TMC1: variants seen among roughly 807,000 people sequenced by gnomAD.
TMC1 encodes the protein transmembrane channel-like protein 1.
A neutral mutation model predicts 105.8 loss-of-function variants in TMC1; 84 were observed. That is an observed-to-expected ratio of 0.79 (90% CI 0.67 to 0.95). The LOEUF (loss-of-function observed/expected upper bound fraction) is 0.95. Among genes scored for constraint, TMC1 ranks in the 40% least tolerant of loss-of-function variants. The pLI, the probability that TMC1 is intolerant of heterozygous loss-of-function variation, is 0.00. For synonymous variants in TMC1, 315 were observed against 311.5 expected (o/e 1.01, Z -0.12); for missense variants, 817 against 914.1 (o/e 0.89, Z 1.37).
chr9:72,827,506 G>A (rs1828975392), intron 21 of TMC1, among the ~76,000 whole-genome samples: 1 of 152,204 alleles, frequency 6.6e-6, no homozygotes, highest in Non-Finnish European at 1.5e-5. Flanking sequence ...ATAACTGTGT[G>A]TTCACGATAA....
At chr9:72,525,615 G>A (rs1240303826) in intron 1 of TMC1, among the ~76,000 whole-genome samples, 2 of 152,182 alleles carry the variant, frequency 1.3e-5, no homozygotes, top group Non-Finnish European at 2.9e-5. Context: ...AGATGACAAG[G>A]CTCAGTGGAT....
At position 72,631,065 on chromosome 9, in the gene TMC1, A is replaced by G. The variant is rs892713483; in HGVS notation, c.-53+3002A>G. 2.0e-5 allele frequency among the ~76,000 whole-genome samples: 3 copies of G among 151,966 alleles called. No homozygotes were observed. The South Asian group carries it at 6.2e-4, about 31-fold the overall frequency. On this transcript the variant is annotated intron_variant, in intron 4 of 23. Transcript: ENST00000297784. ...GTATTTTTGGTAGAGACAGGGTTTC[A>G]CTATGTTGGTCAGGCTAGTCTCAAA...
intron 3 of TMC1, among the ~76,000 whole-genome samples, chr9:72,622,199 C>G (rs993654318): frequency 6.6e-6 from 1 of 152,228 alleles, no homozygotes; most frequent in African/African-American, 2.4e-5. Context: ...CCTGTCCATA[C>G]CCTCCAGCAA....
In TMC1 at chr9:72,648,621, T is replaced by C; in HGVS notation, c.-28T>C. On this transcript the variant is annotated 5_prime_UTR_variant, in exon 5 of 24. Transcript: ENST00000297784. ...GTCCCTCTCCAAACTAGCCAGCCAC[T>C]GAGACCTTCTGACAGGACACCCCCA... 1 of 1,611,902 alleles carries C rather than the reference T, an allele frequency of 6.2e-7. No homozygotes were observed. The highest frequency in any genetic ancestry group is 8.5e-7 in the Non-Finnish European group (1 of 1,178,002).
chr9:72,763,947 A>T (rs1187195256), intron 12 of TMC1, among the ~76,000 whole-genome samples: 2 of 152,162 alleles, frequency 1.3e-5, no homozygotes, highest in Admixed American at 1.3e-4. Context: ...TTAGAGACTA[A>T]GGTTGGAAGA....
At chr9:72,584,210 T>C (rs1220896794) in intron 2 of TMC1, among the ~76,000 whole-genome samples, 1 of 151,352 alleles carries the variant, frequency 6.6e-6, no homozygotes, top group Non-Finnish European at 1.5e-5. Context: ...AGGCAAACAA[T>C]GGAGAGAAGA....
chr9:72,523,003 C>T (rs1222659390), intron 1 of TMC1, among the ~76,000 whole-genome samples: 1 of 152,192 alleles, frequency 6.6e-6, no homozygotes, highest in African/African-American at 2.4e-5. Context: ...AAAATGTCTC[C>T]AGACTTTTCC....
At chr9:72,645,574 C>T (rs1825696878) in intron 4 of TMC1, among the ~76,000 whole-genome samples, 1 of 152,224 alleles carries the variant, frequency 6.6e-6, no homozygotes, top group East Asian at 1.9e-4. Flanking sequence ...AATAATATCT[C>T]TCATTATGGG....
intron 1 of TMC1, among the ~76,000 whole-genome samples, chr9:72,558,477 C>T (rs1462168675): frequency 3.3e-5 from 5 of 152,190 alleles, no homozygotes; most frequent in African/African-American, 1.2e-4. Flanking sequence ...CACAATTGTG[C>T]ACTGCCTTGT....
chr9:72,660,753 C>T (rs1825958769), intron 5 of TMC1, among the ~76,000 whole-genome samples: 1 of 152,140 alleles, frequency 6.6e-6, no homozygotes, highest in Non-Finnish European at 1.5e-5. Context: ...CGAAGTATCC[C>T]AAGTTTGTAT....
At chr9:72,734,080 G>A (rs576280613) in intron 8 of TMC1, among the ~76,000 whole-genome samples, 1 of 152,324 alleles carries the variant, frequency 6.6e-6, no homozygotes, top group South Asian at 2.1e-4. Context: ...TGGATTTGCT[G>A]AACAAAGGGA....
intron 5 of TMC1, among the ~76,000 whole-genome samples, chr9:72,670,427 A>G (rs180761541): frequency 7.9e-5 from 12 of 152,328 alleles, no homozygotes; most frequent in Admixed American, 3.9e-4. Context: ...ACTTAAATAT[A>G]TACCAGAACA....
intron 3 of TMC1, among the ~76,000 whole-genome samples, chr9:72,620,233 T>A (rs145007557): frequency 1.3e-5 from 2 of 152,020 alleles, no homozygotes; most frequent in African/African-American, 4.8e-5. Context: ...AATGTGGTTA[T>A]GTTTTAAAAA....
chr9:72,610,087 A>AT (rs1688130428), intron 2 of TMC1, among the ~76,000 whole-genome samples: 1 of 152,210 alleles, frequency 6.6e-6, no homozygotes, highest in Non-Finnish European at 1.5e-5. Context: ...CATAGTAGAC[A>AT]TTTCATAAAT....
chr9:72,829,239 C>T (rs999852743), intron 21 of TMC1, among the ~76,000 whole-genome samples: 2 of 152,212 alleles, frequency 1.3e-5, no homozygotes, highest in East Asian at 3.9e-4. Context: ...TGTTGAATTT[C>T]CCCCAATGGA....
intron 8 of TMC1, among the ~76,000 whole-genome samples, chr9:72,720,760 C>T (rs1351244188): frequency 6.6e-6 from 1 of 152,182 alleles, no homozygotes; most frequent in Admixed American, 6.5e-5. Flanking sequence ...CCCAAAGTGT[C>T]AGGATAATGA....
chr9:72,537,561 A>G (rs534686291), intron 1 of TMC1, among the ~76,000 whole-genome samples: 17 of 152,302 alleles, frequency 1.1e-4, no homozygotes, highest in African/African-American at 3.6e-4. Context: ...GTCTCAATCA[A>G]TGTAAGGGTT....
chr9:72,767,194 C>T (rs1827852537), intron 12 of TMC1, among the ~76,000 whole-genome samples: 1 of 152,208 alleles, frequency 6.6e-6, no homozygotes, highest in Admixed American at 6.5e-5. Context: ...AGTGTCACCT[C>T]CCCTCACATA....
In TMC1 at chr9:72,836,863, A is replaced by C. The variant is rs578043526; in HGVS notation, c.*890A>C. 6.6e-6 allele frequency: 1 copy of C among 152,320 alleles called. No individual in the cohort carries two copies. Among genetic ancestry groups the C allele is most frequent in the African/African-American group, 2.4e-5 (1 of 41,566 alleles). The allele number at this position is 152,320 out of a possible 1,614,324, so 9.4% of individuals were successfully genotyped here. A position where few individuals can be genotyped will look rare whatever the true frequency, so the allele number is the denominator to read the frequency against. On this transcript the variant is annotated 3_prime_UTR_variant, in exon 24 of 24. Coordinates refer to ENST00000297784, the MANE Select transcript of TMC1 (RefSeq NM_138691.3). Reference sequence around the variant, plus strand: ...AAGAATTCAGCTGAGGGGCAGAAGTAGGTTTATGGCAGAGGGAGAGAATGA... The same window carrying C: ...AAGAATTCAGCTGAGGGGCAGAAGTCGGTTTATGGCAGAGGGAGAGAATGA...
Sources: gnomAD v4.1 joint callset for allele counts (sites outside exome capture counted in the v4.1 genomes callset) on GRCh38, gnomAD v4.1.1 for gene constraint, MANE v1.5 for transcripts, NCBI Gene and HGNC (gene_info 2026-07-23, HGNC 2026-07-21) for gene names.